The following CCDC7 variants were observed in gnomAD, a reference collection of about 807,000 sequenced individuals.
CCDC7 encodes the protein coiled-coil domain-containing protein 7.
In CCDC7, 183 loss-of-function variants were observed where a neutral mutation model predicts 196.9. The ratio of observed to expected loss-of-function variants is 0.93; its 90% CI spans 0.82 to 1.05. The LOEUF is 1.05. Ranked by LOEUF, CCDC7 falls within the 50% of genes least tolerant of loss-of-function variation. The pLI, the probability that CCDC7 is intolerant of heterozygous loss-of-function variation, is 0.00. For missense variants in CCDC7, 1,540 were observed against 1,482.2 expected (o/e 1.04, Z -0.64); for synonymous variants, 525 against 484.6 (o/e 1.08, Z -1.10).
Position 32,689,258 on chromosome 10 carries a change from C to T in CCDC7, c.2344+95C>T, listed in dbSNP as rs11813547. On this transcript the variant is annotated intron_variant, in intron 23 of 41. Transcript: ENST00000639629. Reference sequence around the variant, plus strand: ...GATTCACAAAAGTTTTACACTTTGACTAAAATGTGAATACCCTACCATAAT... The same window carrying T: ...GATTCACAAAAGTTTTACACTTTGATTAAAATGTGAATACCCTACCATAAT... 8.3e-3 allele frequency: 6,196 copies of T among 749,736 alleles called. 289 individuals carry two copies. The African/African-American group carries it at 0.097, about 12-fold the overall frequency. The allele number at this position is 749,736 out of a possible 1,614,324, so 46.4% of individuals were successfully genotyped here. A position where few individuals can be genotyped will look rare whatever the true frequency, so the allele number is the denominator to read the frequency against.
At chr10:32,689,208 G>A (rs1763784) in intron 23 of CCDC7, 45 bp downstream of exon 24, 548,551 of 1,246,152 alleles carry the variant, frequency 0.44, 129,890 homozygotes, top group Non-Finnish European at 0.49. Context: ...TTAAAAGTAA[G>A]TTCATCCGAA....
intron 13 of CCDC7, among the ~76,000 whole-genome samples, chr10:32,559,530 G>A: frequency 6.6e-6 from 1 of 152,306 alleles, no homozygotes; most frequent in Admixed American, 6.5e-5. Flanking sequence ...ATCCGCTGTT[G>A]TGCAGCCACT....
At chr10:32,488,286 G>T (rs9971074) in intron 8 of CCDC7, among the ~76,000 whole-genome samples, 5,742 of 152,308 alleles carry the variant, frequency 0.038, 180 homozygotes, top group African/African-American at 0.088. Context: ...CTCCAAGCCA[G>T]GCGCGGGATA....
intron 15 of CCDC7, among the ~76,000 whole-genome samples, chr10:32,570,157 G>A (rs761825506): frequency 2.6e-5 from 4 of 152,092 alleles, no homozygotes; most frequent in Admixed American, 6.5e-5. Flanking sequence ...AACCAATTGC[G>A]CTCTTCTCAG....
At chr10:32,453,304 C>CT in intron 1 of CCDC7, 40 bp from the exon 3 acceptor site, 1 of 1,317,806 alleles carries the variant, frequency 7.6e-7, no homozygotes, top group Admixed American at 2.7e-5. Context: ...TAATTTTAAA[C>CT]TATTAAAGTA....
intron 29 of CCDC7, among the ~76,000 whole-genome samples, chr10:32,796,672 C>G (rs886699324): frequency 2.0e-5 from 3 of 152,138 alleles, no homozygotes; most frequent in Admixed American, 6.6e-5. Context: ...TTCACTCCAT[C>G]AGAGGACCTT....
chr10:32,650,256 A>C (rs2068501179), intron 20 of CCDC7, among the ~76,000 whole-genome samples: 1 of 152,164 alleles, frequency 6.6e-6, no homozygotes, highest in South Asian at 2.1e-4. Context: ...TCTTGGTTTC[A>C]CAGTGGGGAT....
chr10:32,754,992 C>T (rs536117044), intron 28 of CCDC7, among the ~76,000 whole-genome samples: 1 of 152,284 alleles, frequency 6.6e-6, no homozygotes, highest in South Asian at 2.1e-4. Flanking sequence ...CTTGGAGGGT[C>T]CCACACCCAC....
At chr10:32,456,304 G>A (rs2034324787) in exon 3 of CCDC7, 10 of 1,571,786 alleles carry the variant, frequency 6.4e-6, no homozygotes, top group Non-Finnish European at 8.7e-6. Flanking sequence ...TTGCAGCTCA[G>A]CTAGAAGAAG....
intron 31 of CCDC7, among the ~76,000 whole-genome samples, chr10:32,824,036 T>A (rs1319527975): frequency 6.6e-6 from 1 of 152,158 alleles, no homozygotes; most frequent in African/African-American, 2.4e-5. Flanking sequence ...TTCTGTTTTA[T>A]TATATTTTGT....
intron 19 of CCDC7, among the ~76,000 whole-genome samples, chr10:32,634,722 A>C (rs1309992913): frequency 6.6e-6 from 1 of 152,186 alleles, no homozygotes; most frequent in Admixed American, 6.5e-5. Context: ...TTAACTCATC[A>C]GAGGTCTTTT....
chr10:32,524,071 CT>C (rs35310138), intron 11 of CCDC7, among the ~76,000 whole-genome samples: 19,150 of 136,746 alleles, frequency 0.14, 1,447 homozygotes, highest in African/African-American at 0.23. Context: ...TTCCTTCTGT[CT>C]TTTTTTTTTT....
intron 24 of CCDC7, among the ~76,000 whole-genome samples, chr10:32,696,621 A>G (rs995507763): frequency 6.6e-6 from 1 of 152,158 alleles, no homozygotes; most frequent in Admixed American, 6.5e-5. Context: ...GGAGGCTGCC[A>G]TTGAGCCCAA....
chr10:32,736,626 C>A lies in CCDC7; in HGVS notation c.2905+7169C>A, dbSNP rs531549914. Reference sequence around the variant, plus strand: ...TCATTGTTTAGTTTTCTTTATATATCTCTTATACATATTTTGTTAGGTTTA... The same window carrying A: ...TCATTGTTTAGTTTTCTTTATATATATCTTATACATATTTTGTTAGGTTTA... On this transcript the variant is annotated intron_variant, in intron 28 of 41. Coordinates refer to ENST00000639629, the Ensembl canonical transcript of CCDC7. Among the ~76,000 whole-genome samples the A allele has an allele frequency of 2.0e-5, 3 of 150,178 alleles. No homozygotes were observed. In the East Asian group the frequency reaches 6.0e-4, roughly 30 times the overall value.
chr10:32,775,301 T>C (rs2079835371), intron 28 of CCDC7, among the ~76,000 whole-genome samples: 1 of 152,202 alleles, frequency 6.6e-6, no homozygotes, highest in Non-Finnish European at 1.5e-5. Flanking sequence ...TATGGAAATT[T>C]TCTTACTTTT....
intron 32 of CCDC7, among the ~76,000 whole-genome samples, chr10:32,825,896 A>G (rs1352440501): frequency 2.6e-5 from 4 of 152,132 alleles, no homozygotes; most frequent in African/African-American, 9.7e-5. Flanking sequence ...TGGAATGGGG[A>G]TGTGTGGGAG....
chr10:32,543,598 G>C (rs948596828), intron 12 of CCDC7, among the ~76,000 whole-genome samples: 2 of 152,032 alleles, frequency 1.3e-5, no homozygotes, highest in Non-Finnish European at 2.9e-5. Context: ...ACTGGAAGAG[G>C]AGATTGAACC....
At chr10:32,586,311 C>G (rs929066383) in intron 18 of CCDC7, among the ~76,000 whole-genome samples, 25 of 152,182 alleles carry the variant, frequency 1.6e-4, no homozygotes, top group African/African-American at 5.8e-4. Flanking sequence ...AATTGTTCTC[C>G]CATTCTGTAG....
chr10:32,468,825 G>A (rs886739296), intron 5 of CCDC7, among the ~76,000 whole-genome samples: 4 of 152,196 alleles, frequency 2.6e-5, no homozygotes, highest in Admixed American at 1.3e-4. Context: ...AGAATCTTGT[G>A]ATAATCTTTT....
Sources: allele counts gnomAD v4.1 joint callset (sites outside exome capture counted in the v4.1 genomes callset), GRCh38; gene constraint gnomAD v4.1.1; transcripts MANE v1.5; gene names NCBI Gene and HGNC (gene_info 2026-07-23, HGNC 2026-07-21).